JPH3: variants seen among roughly 807,000 people sequenced by gnomAD.
JPH3 encodes the protein junctophilin 3.
A neutral mutation model predicts 59.6 loss-of-function variants in JPH3; 11 were observed. That is an observed-to-expected ratio of 0.18 (90% CI 0.12 to 0.31). The LOEUF is 0.31. Among genes scored for constraint, JPH3 ranks in the 10% least tolerant of loss-of-function variants. The pLI, the probability that JPH3 is intolerant of heterozygous loss-of-function variation, is 1.00. For missense variants in JPH3, 1,202 were observed against 1,105.7 expected (o/e 1.09, Z -1.24); for synonymous variants, 673 against 483.6 (o/e 1.39, Z -5.14).
intron 1 of JPH3, among the ~76,000 whole-genome samples, chr16:87,616,830 C>T (rs1008856358): frequency 6.6e-6 from 1 of 152,208 alleles, no homozygotes; most frequent in Admixed American, 6.5e-5. Context: ...TCGTCGTTTC[C>T]AAAATGCTCT....
chr16:87,683,648 C>T (rs1459903261), intron 2 of JPH3, among the ~76,000 whole-genome samples: 1 of 150,184 alleles, frequency 6.7e-6, no homozygotes, highest in African/African-American at 2.5e-5. Context: ...GCTCTATTAC[C>T]CAAGCTGGAG....
rs1051078355 is a variant in JPH3, at chr16:87,635,073, G to A, written c.383-9185G>A. 3.3e-5 allele frequency among the ~76,000 whole-genome samples: 5 copies of A among 152,324 alleles called. No individual in the cohort carries two copies. In the East Asian group the frequency reaches 9.6e-4, roughly 29 times the overall value. ...TGGGACAGTAGTGGGAGCCTGGGTGGGGGCTTTTGCCTGCCAGAACTCATG... is the reference window on the plus strand; with the variant it reads ...TGGGACAGTAGTGGGAGCCTGGGTGAGGGCTTTTGCCTGCCAGAACTCATG... On this transcript the variant is annotated intron_variant, in intron 1 of 4. Coordinates refer to ENST00000284262, the MANE Select transcript of JPH3 (RefSeq NM_020655.4).
intron 3 of JPH3, chr16:87,684,497 A>G: frequency 1.7e-6 from 1 of 589,678 alleles, no homozygotes; most frequent in South Asian, 2.1e-5. Context: ...TCCCATTCCC[A>G]CAGTCCTTGG....
chr16:87,673,819 G>C (rs2033077288), intron 2 of JPH3, among the ~76,000 whole-genome samples: 1 of 152,046 alleles, frequency 6.6e-6, no homozygotes. Flanking sequence ...CCAGCTACTT[G>C]GGAGGCTGAG....
chr16:87,637,397 A>G (rs2562057), intron 1 of JPH3, among the ~76,000 whole-genome samples: 1 of 73,242 alleles, frequency 1.4e-5, no homozygotes, highest in African/African-American at 5.2e-5. Context: ...TGGGGGAGAG[A>G]GAGAGAGAGA....
intron 1 of JPH3, among the ~76,000 whole-genome samples, chr16:87,638,769 C>T (rs2031842354): frequency 6.6e-6 from 1 of 152,188 alleles, no homozygotes; most frequent in South Asian, 2.1e-4. Context: ...ACGACAACAT[C>T]CAGCCATAGA....
intron 2 of JPH3, among the ~76,000 whole-genome samples, chr16:87,669,755 G>T (rs2032966814): frequency 6.6e-6 from 1 of 152,206 alleles, no homozygotes; most frequent in Non-Finnish European, 1.5e-5. Context: ...AGAAAAAGAG[G>T]AACGAAGGAC....
intron 1 of JPH3, among the ~76,000 whole-genome samples, chr16:87,623,467 C>G (rs1448597688): frequency 6.6e-6 from 1 of 152,230 alleles, no homozygotes; most frequent in Non-Finnish European, 1.5e-5. Context: ...CCATGAGTGA[C>G]AGAGTCACCG....
At chr16:87,650,223 T>G (rs1175690310) in intron 2 of JPH3, among the ~76,000 whole-genome samples, 1 of 152,254 alleles carries the variant, frequency 6.6e-6, no homozygotes, top group African/African-American at 2.4e-5. Flanking sequence ...AGCTTTTTCA[T>G]GATTATATCT....
intron 1 of JPH3, among the ~76,000 whole-genome samples, chr16:87,620,479 A>AAGAGAGAGGGAGAGAAGGAGAGG (rs2031141294): frequency 9.7e-6 from 1 of 103,618 alleles, no homozygotes; most frequent in Non-Finnish European, 2.0e-5. Flanking sequence ...AGAAGGAGAG[A>AAGAGAGAGGGAGAGAAGGAGAGG]AGAGAGGGAG....
At chr16:87,612,701 T>C (rs1016814461) in intron 1 of JPH3, among the ~76,000 whole-genome samples, 2 of 152,154 alleles carry the variant, frequency 1.3e-5, no homozygotes, top group East Asian at 1.9e-4. Flanking sequence ...AAGTGGTTCA[T>C]GAAATTAATA....
At chr16:87,660,142 C>T (rs1014320944) in intron 2 of JPH3, among the ~76,000 whole-genome samples, 2 of 152,192 alleles carry the variant, frequency 1.3e-5, no homozygotes, top group African/African-American at 4.8e-5. Context: ...CAGGACCTGC[C>T]TCCGAGCCTG....
chr16:87,645,124 C>A, intron 2 of JPH3, 89 bp downstream of exon 2: 1 of 1,368,860 alleles, frequency 7.3e-7, no homozygotes, highest in Admixed American at 2.4e-5. Context: ...CGCTCAAGGC[C>A]TTGGGCTAGG....
At chr16:87,625,710 A>G (rs948361358) in intron 1 of JPH3, among the ~76,000 whole-genome samples, 2 of 152,160 alleles carry the variant, frequency 1.3e-5, no homozygotes, top group African/African-American at 4.8e-5. Flanking sequence ...TGTCAACACC[A>G]GTGGGTACAG....
chr16:87,651,946 T>G (rs6540066), intron 2 of JPH3, among the ~76,000 whole-genome samples: 8 of 152,080 alleles, frequency 5.3e-5, no homozygotes, highest in Admixed American at 5.2e-4. Flanking sequence ...AAGGAAGAGT[T>G]CATTGATGCA....
intron 1 of JPH3, among the ~76,000 whole-genome samples, chr16:87,639,654 G>GCCTGTCCTCCCT (rs66542890): frequency 2.0e-5 from 3 of 149,908 alleles, no homozygotes; most frequent in Admixed American, 1.3e-4. Context: ...CTGTCCTCCC[G>GCCTGTCCTCCCT]CCTGTCCTCC....
intron 2 of JPH3, among the ~76,000 whole-genome samples, chr16:87,669,393 C>T (rs566925431): frequency 3.5e-4 from 54 of 152,316 alleles, no homozygotes; most frequent in Admixed American, 8.5e-4. Flanking sequence ...AGGCTAAAAG[C>T]CTAGTGCTGT....
At chr16:87,623,976 G>T (rs2031281133) in intron 1 of JPH3, among the ~76,000 whole-genome samples, 1 of 152,252 alleles carries the variant, frequency 6.6e-6, no homozygotes, top group Non-Finnish European at 1.5e-5. Flanking sequence ...TTGCCCAGAA[G>T]TCTAGGTGTG....
chr16:87,672,565 C>T (rs898126670), intron 2 of JPH3, among the ~76,000 whole-genome samples: 1 of 152,208 alleles, frequency 6.6e-6, no homozygotes, highest in Non-Finnish European at 1.5e-5. Flanking sequence ...TGGGGGAGAA[C>T]GGGGCTTGCT....
Sources: gnomAD v4.1 joint callset for allele counts (sites outside exome capture counted in the v4.1 genomes callset) on GRCh38, gnomAD v4.1.1 for gene constraint, MANE v1.5 for transcripts, NCBI Gene and HGNC (gene_info 2026-07-23, HGNC 2026-07-21) for gene names.